Variants in TRIM37 observed in about 807,000 individuals in gnomAD.
TRIM37 encodes the protein E3 ubiquitin-protein ligase TRIM37.
A neutral mutation model predicts 129.8 loss-of-function variants in TRIM37; 80 were observed. The ratio of observed to expected loss-of-function variants is 0.62; its 90% confidence interval spans 0.51 to 0.74. The LOEUF is 0.74. Among genes scored for constraint, TRIM37 ranks in the 30% least tolerant of loss-of-function variants. TRIM37 has a pLI of 0.00. For synonymous variants in TRIM37, 389 were observed against 387.1 expected (o/e 1.00, Z -0.06); for missense variants, 1,054 against 1,176.5 (o/e 0.90, Z 1.52).
chr17:59,054,822 A>G lies in TRIM37; in HGVS notation c.1199+2053T>C, dbSNP rs568724482. 4.0e-5 allele frequency among the ~76,000 whole-genome samples: 6 copies of G among 151,344 alleles called. No homozygotes were observed. The South Asian group carries it at 1.3e-3, about 32-fold the overall frequency. On this transcript the variant is annotated intron_variant, in intron 13 of 23. Transcript: ENST00000262294. ...TGGGATTACAGGCGCGTGCCACCACAGCCCGGCTAATTTTTGTATTTTTAG... is the reference window on the plus strand; with the variant it reads ...TGGGATTACAGGCGCGTGCCACCACGGCCCGGCTAATTTTTGTATTTTTAG...
At chr17:58,989,303 G>A (rs2032123355) in intron 24 of TRIM37, among the ~76,000 whole-genome samples, 1 of 152,122 alleles carries the variant, frequency 6.6e-6, no homozygotes, top group Non-Finnish European at 1.5e-5. Flanking sequence ...AGGCGTGGTG[G>A]TGCACACCTG....
chr17:58,969,430 G>A, the TRIM37 span: 1 of 1,038,612 alleles, frequency 9.6e-7, no homozygotes, highest in Non-Finnish European at 1.5e-6. Flanking sequence ...TATTCTGAAT[G>A]ACAAATGCAG....
chr17:59,062,876 A>AG (rs2041613932), intron 10 of TRIM37, among the ~76,000 whole-genome samples: 1 of 152,210 alleles, frequency 6.6e-6, no homozygotes, highest in Non-Finnish European at 1.5e-5. Flanking sequence ...TTTAAGTTTC[A>AG]GGGGAAAAAA....
intron 4 of TRIM37, among the ~76,000 whole-genome samples, chr17:59,085,296 C>T (rs1346813070): frequency 6.6e-6 from 1 of 151,720 alleles, no homozygotes. Flanking sequence ...CACTGCACTC[C>T]AGCCTGTGCA....
chr17:59,011,429 G>GTAGA (rs2144891617), intron 22 of TRIM37, among the ~76,000 whole-genome samples: 1 of 152,308 alleles, frequency 6.6e-6, no homozygotes, highest in East Asian at 1.9e-4. Flanking sequence ...GGGCAGCTGA[G>GTAGA]TAGATGCTGG....
At chr17:59,091,241 A>G in intron 3 of TRIM37, 59 bp downstream of exon 3, 1 of 1,366,278 alleles carries the variant, frequency 7.3e-7, no homozygotes, top group Non-Finnish European at 1.0e-6. Context: ...ATGAATCCCA[A>G]GGCACATTCT....
At chr17:58,989,617 C>T (rs569992863) in intron 24 of TRIM37, among the ~76,000 whole-genome samples, 274 of 151,872 alleles carry the variant, frequency 1.8e-3, no homozygotes, top group African/African-American at 6.3e-3. Flanking sequence ...TCAGTAGGCT[C>T]TAAACTGCTG....
rs1384952933 is a variant in TRIM37, at chr17:59,042,439, AAAAAAAAAAAATATATAT to A, written c.1668-559_1668-542del. 9.6e-4 allele frequency among the ~76,000 whole-genome samples: 79 copies of A among 82,096 alleles called. 1 individual carries two copies. Among genetic ancestry groups the A allele is most frequent in the Middle Eastern group, 5.5e-3 (1 of 182 alleles). 53.9% of individuals were successfully genotyped at this position (82,096 alleles called of 152,430 possible). ...TAAGAAAAAAAGGAATTTAAAAAAAAAAAAAAAAAAATATATATATATATATATATATATATCTCAAGG... is the reference window on the plus strand; with the variant it reads ...TAAGAAAAAAAGGAATTTAAAAAAAAATATATATATATATATATCTCAAGG... On this transcript the variant is annotated intron_variant, in intron 16 of 23. Coordinates refer to ENST00000262294, the MANE Select transcript of TRIM37 (RefSeq NM_015294.6).
chr17:58,983,127 G>T, intron 24 of TRIM37: 1 of 525,812 alleles, frequency 1.9e-6, no homozygotes, highest in South Asian at 2.6e-5. Flanking sequence ...ATAGAACTGG[G>T]ACAAACACAG....
intron 3 of TRIM37, 41 bp from the exon 4 acceptor site, chr17:59,088,448 T>C: frequency 1.8e-6 from 2 of 1,115,000 alleles, no homozygotes; most frequent in Non-Finnish European, 2.8e-6. Flanking sequence ...TTCAGGAATT[T>C]GAGATTATTT....
downstream of TRIM37, chr17:58,979,898 G>C (rs1428389703): frequency 1.8e-6 from 2 of 1,138,798 alleles, no homozygotes; most frequent in African/African-American, 3.1e-5. Context: ...TCAGAGTCAT[G>C]GCATTGGTCA....
rs758785507 is a variant in TRIM37, at chr17:58,999,489, A to G, written c.2813-30T>C. 2.0e-4 allele frequency: 319 copies of G among 1,563,766 alleles called. 1 individual carries two copies. The highest frequency in any genetic ancestry group is 2.4e-4 in the Non-Finnish European group (278 of 1,148,614). On this transcript the variant is annotated intron_variant, in intron 23 of 23. Transcript: ENST00000262294. ...GATTAAAAAATAAATAAAAAATTTA[A>G]AATTTAAAAGCATATAACAAGGGCA...
downstream of TRIM37, among the ~76,000 whole-genome samples, chr17:58,997,743 C>A (rs1323130997): frequency 2.0e-5 from 3 of 152,068 alleles, no homozygotes; most frequent in Non-Finnish European, 2.9e-5. Flanking sequence ...AAAAAACATG[C>A]TGAGGGCTCT....
chr17:59,016,599 CAAAAAAAAAAAAAAAAAA>C (rs57582105), intron 20 of TRIM37, among the ~76,000 whole-genome samples: 3 of 20,748 alleles, frequency 1.4e-4, no homozygotes, highest in East Asian at 1.7e-3. Context: ...CCTGTCTCGG[CAAAAAAAAAAAAAAAAAA>C]AAAAAAAAAA....
rs779498323 is a variant in TRIM37, at chr17:59,064,338, T to C, written c.860+17A>G. 8.2e-6 allele frequency: 13 copies of C among 1,590,358 alleles called. No individual in the cohort carries two copies. Among genetic ancestry groups the C allele is most frequent in the Middle Eastern group, 1.7e-4 (1 of 5,896 alleles). ...ATATACACATACAAAAAAACCAGAA[T>C]TGTCAAAAACTCTTACCTGAAATTC... is the stretch of plus-strand genomic sequence containing the variant. On this transcript the variant is annotated intron_variant, in intron 10 of 23. Coordinates refer to ENST00000262294, the MANE Select transcript of TRIM37 (RefSeq NM_015294.6).
At chr17:59,091,507 TA>T (rs2044320731) in intron 2 of TRIM37, among the ~76,000 whole-genome samples, 167 bp from the exon 3 acceptor site, 1 of 98,470 alleles carries the variant, frequency 1.0e-5, no homozygotes. Context: ...TTATATAACA[TA>T]TCATATATAT....
intron 24 of TRIM37, among the ~76,000 whole-genome samples, chr17:58,988,199 G>A (rs917519782): frequency 2.0e-5 from 3 of 152,112 alleles, no homozygotes; most frequent in Non-Finnish European, 4.4e-5. Flanking sequence ...AAGACCCGGG[G>A]GCCTGCAGAA....
At chr17:59,038,896 TACTG>T (rs887226169) in intron 17 of TRIM37, among the ~76,000 whole-genome samples, 2 of 152,168 alleles carry the variant, frequency 1.3e-5, no homozygotes, top group African/African-American at 4.8e-5. Context: ...AATTGCAGCT[TACTG>T]ACTGCCAGAT....
chr17:59,046,723 G>T (rs1225466649), intron 16 of TRIM37, among the ~76,000 whole-genome samples: 1 of 151,232 alleles, frequency 6.6e-6, no homozygotes, highest in African/African-American at 2.4e-5. Context: ...TGTATTTTTA[G>T]TAGAGACGGG....
Sources: gnomAD v4.1 joint callset for allele counts (sites outside exome capture counted in the v4.1 genomes callset) on GRCh38, gnomAD v4.1.1 for gene constraint, MANE v1.5 for transcripts, NCBI Gene and HGNC (gene_info 2026-07-23, HGNC 2026-07-21) for gene names.